Variants in HPSE2 observed in about 807,000 individuals in gnomAD.
HPSE2 encodes the protein heparanase 2 (inactive).
HPSE2 carries 38 observed loss-of-function variants against 60.5 expected under a neutral mutation model. That is an observed-to-expected ratio of 0.63 (90% CI 0.48 to 0.82). The LOEUF is 0.82. HPSE2 is among the 40% of genes least tolerant of loss of function. The pLI is 0.00. For missense variants in HPSE2, 713 were observed against 740.4 expected, an observed-to-expected ratio of 0.96 and a Z score of 0.43; for synonymous variants, 295 against 293.2, an observed-to-expected ratio of 1.01 and a Z score of -0.06.
At chr10:99,150,568 G>A (rs369275590) in intron 2 of HPSE2, among the ~76,000 whole-genome samples, 16 of 152,158 alleles carry the variant, frequency 1.1e-4, no homozygotes, top group Middle Eastern at 3.4e-3. Flanking sequence ...CAATCCTCCC[G>A]CCTCAGCCTC....
the HPSE2 span, among the ~76,000 whole-genome samples, chr10:99,310,583 G>A: frequency 3.5e-4 from 53 of 152,126 alleles, no homozygotes; most frequent in African/African-American, 1.3e-3. Flanking sequence ...TCTACCCAGT[G>A]GAATGTAAAT....
At chr10:98,911,134 TA>T (rs1564649996) in intron 3 of HPSE2, among the ~76,000 whole-genome samples, 1 of 152,106 alleles carries the variant, frequency 6.6e-6, no homozygotes, top group Admixed American at 6.6e-5. Context: ...GTTTAGAGGG[TA>T]AAAGACCTCA....
chr10:98,477,505 A>C (rs2133628331), intron 11 of HPSE2, among the ~76,000 whole-genome samples: 1 of 152,352 alleles, frequency 6.6e-6, no homozygotes, highest in Middle Eastern at 3.4e-3. Flanking sequence ...AGCCAATGTG[A>C]TGAAAGTTGC....
At chr10:99,002,146 T>C (rs975443074) in intron 3 of HPSE2, among the ~76,000 whole-genome samples, 3 of 151,866 alleles carry the variant, frequency 2.0e-5, no homozygotes, top group African/African-American at 4.8e-5. Context: ...CTAGAACAAT[T>C]TGAACAACAA....
At chr10:98,754,726 T>A (rs917220676) in intron 3 of HPSE2, among the ~76,000 whole-genome samples, 4 of 146,966 alleles carry the variant, frequency 2.7e-5, no homozygotes, top group African/African-American at 1.0e-4. Flanking sequence ...AGAAAAAAAA[T>A]TTGGGGTTAG....
chr10:98,765,587 C>T (rs1950101114), intron 3 of HPSE2, among the ~76,000 whole-genome samples: 1 of 152,078 alleles, frequency 6.6e-6, no homozygotes, highest in African/African-American at 2.4e-5. Context: ...CGTCTGTAAT[C>T]CCAGCACTTT....
intron 3 of HPSE2, among the ~76,000 whole-genome samples, chr10:99,129,887 T>C (rs1031832337): frequency 6.6e-6 from 1 of 150,730 alleles, no homozygotes; most frequent in African/African-American, 2.4e-5. Flanking sequence ...ATTAGTGAGA[T>C]TAACCAAGAA....
chr10:99,313,139 C>T, the HPSE2 span, among the ~76,000 whole-genome samples: 2 of 152,302 alleles, frequency 1.3e-5, no homozygotes, highest in South Asian at 2.1e-4. Flanking sequence ...TGGTAAACCT[C>T]GTTTCTTTAT....
chr10:99,024,346 G>A (rs1331440294), intron 3 of HPSE2, among the ~76,000 whole-genome samples: 1 of 152,056 alleles, frequency 6.6e-6, no homozygotes, highest in Non-Finnish European at 1.5e-5. Context: ...GATCTAGATA[G>A]GTTATAAAAT....
In HPSE2 at chr10:98,889,700, C is replaced by T. The variant is rs1035273804; in HGVS notation, c.611-145644G>A. Among the ~76,000 whole-genome samples the T allele has an allele frequency of 7.2e-5, 11 of 152,320 alleles. No homozygotes were observed. In the East Asian group the frequency reaches 2.1e-3, roughly 29 times the overall value. On this transcript the variant is annotated intron_variant, in intron 3 of 11. Coordinates refer to ENST00000370552, the MANE Select transcript of HPSE2 (RefSeq NM_021828.5). ...TGGGTTGATATTGGAAAAATTACTT[C>T]ACTCCTCTGAACTTGAATTAATTAA...
intron 9 of HPSE2, among the ~76,000 whole-genome samples, chr10:98,544,684 G>T (rs1477835957): frequency 1.7e-5 from 2 of 116,154 alleles, no homozygotes; most frequent in Non-Finnish European, 3.2e-5. Context: ...CTGCACTCCA[G>T]CCTGGGCGAC....
intron 5 of HPSE2, among the ~76,000 whole-genome samples, chr10:98,698,632 A>G (rs1409491678): frequency 2.6e-5 from 4 of 152,136 alleles, no homozygotes; most frequent in African/African-American, 9.7e-5. Flanking sequence ...GCAAGAAATA[A>G]CTAAAATCAG....
intron 3 of HPSE2, among the ~76,000 whole-genome samples, chr10:99,075,116 TA>T (rs1456121271): frequency 6.6e-6 from 1 of 152,096 alleles, no homozygotes; most frequent in African/African-American, 2.4e-5. Flanking sequence ...CTTTGAGGTA[TA>T]AAGTTAGGTT....
chr10:98,603,434 T>TG (rs1945485024), intron 9 of HPSE2, among the ~76,000 whole-genome samples: 1 of 26,798 alleles, frequency 3.7e-5, no homozygotes, highest in Non-Finnish European at 2.5e-4. Context: ...GCACTCTGTT[T>TG]TTTTGTTTTT....
At chr10:98,960,716 T>TTG (rs1554852382) in intron 3 of HPSE2, among the ~76,000 whole-genome samples, 1 of 104,602 alleles carries the variant, frequency 9.6e-6, no homozygotes, top group South Asian at 3.1e-4. Flanking sequence ...TTTTTTTTTT[T>TTG]TTTTGTTTTA....
At chr10:98,920,748 ACT>A (rs1954259383) in intron 3 of HPSE2, among the ~76,000 whole-genome samples, 1 of 152,090 alleles carries the variant, frequency 6.6e-6, no homozygotes. Context: ...AAGAGTGAAA[ACT>A]CTATTCCATA....
At chr10:98,854,521 T>C (rs1160591222) in intron 3 of HPSE2, among the ~76,000 whole-genome samples, 1 of 152,200 alleles carries the variant, frequency 6.6e-6, no homozygotes, top group African/African-American at 2.4e-5. Context: ...TGATTTATAA[T>C]TGAGGATAAA....
chr10:98,459,332 T>C lies in HPSE2; in HGVS notation c.*242A>G. The C allele has an allele frequency of 1.8e-6, 1 of 566,066 alleles. No homozygotes were observed. Among genetic ancestry groups the C allele is most frequent in the Non-Finnish European group, 3.2e-6 (1 of 312,386 alleles). 35.1% of individuals were successfully genotyped at this position (566,066 alleles called of 1,614,324 possible). ...AGGGAAACATTCTGCTCTATACACA[T>C]GCCTTTATCCTTATATAGGTACAGG... On this transcript the variant is annotated 3_prime_UTR_variant, in exon 12 of 12. Coordinates refer to ENST00000370552, the MANE Select transcript of HPSE2 (RefSeq NM_021828.5).
At chr10:98,792,653 A>G (rs1950682076) in intron 3 of HPSE2, among the ~76,000 whole-genome samples, 1 of 151,964 alleles carries the variant, frequency 6.6e-6, no homozygotes, top group South Asian at 2.1e-4. Flanking sequence ...AAAAAAAAAA[A>G]AAACACGAAG....
Sources: gnomAD v4.1 joint callset for allele counts (sites outside exome capture counted in the v4.1 genomes callset) on GRCh38, gnomAD v4.1.1 for gene constraint, MANE v1.5 for transcripts, NCBI Gene and HGNC (gene_info 2026-07-23, HGNC 2026-07-21) for gene names.